Variants in NELL1 observed in about 807,000 individuals in gnomAD.
NELL1 encodes neural EGFL like 1.
A neutral mutation model predicts 107.4 loss-of-function variants in NELL1; 76 were observed. That is an observed-to-expected ratio of 0.71 (90% CI 0.59 to 0.86). The LOEUF is 0.86. Among genes scored for constraint, NELL1 ranks in the 40% least tolerant of loss-of-function variants. The probability of loss-of-function intolerance (pLI) is 0.00; values close to 1 mark genes in which losing one functional copy is unlikely to be tolerated. For synonymous variants in NELL1, 353 were observed against 341.2 expected (o/e 1.03, Z -0.38); for missense variants, 1,024 against 1,005.5 (o/e 1.02, Z -0.25).
intron 4 of NELL1, among the ~76,000 whole-genome samples, chr11:20,855,273 G>A (rs555675302): frequency 6.6e-6 from 1 of 152,130 alleles, no homozygotes; most frequent in East Asian, 1.9e-4. Flanking sequence ...AATTGAAATG[G>A]AAGATGAGAG....
chr11:20,976,249 T>C (rs985146386), intron 12 of NELL1, among the ~76,000 whole-genome samples: 2 of 151,730 alleles, frequency 1.3e-5, no homozygotes, highest in African/African-American at 2.4e-5. Flanking sequence ...ATGTTCAGGT[T>C]GATTTTTTAC....
At chr11:21,544,149 G>A (rs954477848) in intron 16 of NELL1, among the ~76,000 whole-genome samples, 1 of 151,970 alleles carries the variant, frequency 6.6e-6, no homozygotes, top group African/African-American at 2.4e-5. Context: ...TTCTAGTTCA[G>A]GTGAAGTTCA....
At chr11:21,516,740 T>C (rs796192034) in intron 15 of NELL1, among the ~76,000 whole-genome samples, 30 of 141,988 alleles carry the variant, frequency 2.1e-4, no homozygotes, top group South Asian at 1.1e-3. Flanking sequence ...CACACACACA[T>C]ACACACACAC....
chr11:20,681,597 C>T (rs74810053), intron 2 of NELL1, among the ~76,000 whole-genome samples: 6,915 of 152,164 alleles, frequency 0.045, 249 homozygotes, highest in Non-Finnish European at 0.064. Context: ...TTTGTTACAG[C>T]AGCACCCCAC....
At chr11:21,518,042 C>T (rs761004904) in intron 15 of NELL1, among the ~76,000 whole-genome samples, 7 of 151,186 alleles carry the variant, frequency 4.6e-5, no homozygotes, top group Admixed American at 1.3e-4. Flanking sequence ...GCAGACAAAA[C>T]GGCATAAATG....
At chr11:20,803,812 C>A (rs550775472) in intron 3 of NELL1, among the ~76,000 whole-genome samples, 7 of 152,204 alleles carry the variant, frequency 4.6e-5, no homozygotes, top group African/African-American at 1.7e-4. Flanking sequence ...GGCAGACCCA[C>A]CCTTAATCTG....
intron 12 of NELL1, among the ~76,000 whole-genome samples, chr11:21,028,951 A>T (rs548449180): frequency 6.6e-6 from 1 of 152,308 alleles, no homozygotes; most frequent in South Asian, 2.1e-4. Flanking sequence ...TTTAGTAGAA[A>T]CAGATTCCCT....
At chr11:21,202,804 C>T (rs1415971302) in intron 13 of NELL1, among the ~76,000 whole-genome samples, 3 of 152,168 alleles carry the variant, frequency 2.0e-5, no homozygotes, top group South Asian at 2.1e-4. Flanking sequence ...AGCTGTGTCC[C>T]AGAGATTCTG....
chr11:20,914,751 A>G (rs1850208861), intron 5 of NELL1, among the ~76,000 whole-genome samples: 1 of 151,988 alleles, frequency 6.6e-6, no homozygotes, highest in African/African-American at 2.4e-5. Flanking sequence ...ATAGCCTAGG[A>G]TTAAGGTATC....
chr11:21,493,796 A>G (rs76864097), intron 15 of NELL1, among the ~76,000 whole-genome samples: 2 of 152,098 alleles, frequency 1.3e-5, no homozygotes, highest in Admixed American at 6.6e-5. Context: ...TGTAGGTGAT[A>G]GATACCACAA....
intron 14 of NELL1, among the ~76,000 whole-genome samples, chr11:21,289,313 G>A (rs1375304757): frequency 6.6e-6 from 1 of 152,166 alleles, no homozygotes; most frequent in Admixed American, 6.5e-5. Context: ...TAAAATACCT[G>A]GCTCATCTCA....
intron 13 of NELL1, among the ~76,000 whole-genome samples, chr11:21,196,012 T>G (rs141556026): frequency 7.2e-5 from 11 of 152,334 alleles, no homozygotes; most frequent in African/African-American, 2.6e-4. Flanking sequence ...TTGACATTTC[T>G]TTAGGGTTAT....
At chr11:21,544,278 C>G (rs1856373845) in intron 16 of NELL1, among the ~76,000 whole-genome samples, 1 of 151,944 alleles carries the variant, frequency 6.6e-6, no homozygotes, top group African/African-American at 2.4e-5. Flanking sequence ...TAGCACTAAG[C>G]TAGGTGGTAG....
chr11:20,898,491 A>G (rs747378909), intron 5 of NELL1, among the ~76,000 whole-genome samples: 27 of 152,088 alleles, frequency 1.8e-4, no homozygotes, highest in Non-Finnish European at 3.4e-4. Flanking sequence ...TACTGGGTAC[A>G]GCACACCAAC....
At chr11:21,549,873 C>T (rs1342791519) in intron 16 of NELL1, among the ~76,000 whole-genome samples, 2 of 151,724 alleles carry the variant, frequency 1.3e-5, no homozygotes, top group African/African-American at 4.8e-5. Flanking sequence ...AAATGAACTT[C>T]AATTTGTGCA....
At chr11:21,537,817 T>C (rs1181251689) in intron 16 of NELL1, among the ~76,000 whole-genome samples, 3 of 152,144 alleles carry the variant, frequency 2.0e-5, no homozygotes, top group Non-Finnish European at 1.5e-5. Flanking sequence ...TAACTAGTTG[T>C]GTGGTGTAGA....
chr11:21,184,475 G>T (rs1158179623), intron 13 of NELL1, among the ~76,000 whole-genome samples: 4 of 151,608 alleles, frequency 2.6e-5, no homozygotes, highest in African/African-American at 9.8e-5. Context: ...TCGCAATGTT[G>T]GCCAGGCTGG....
intron 4 of NELL1, among the ~76,000 whole-genome samples, chr11:20,866,193 G>A (rs1849092697): frequency 6.6e-6 from 1 of 152,238 alleles, no homozygotes; most frequent in South Asian, 2.1e-4. Context: ...AGAAGGCTTT[G>A]AGGCTAGAGC....
chr11:20,998,224 C>T (rs981057027), intron 12 of NELL1, among the ~76,000 whole-genome samples: 10 of 151,780 alleles, frequency 6.6e-5, no homozygotes, highest in African/African-American at 2.2e-4. Flanking sequence ...TACTTATAGC[C>T]CTGTTTTCAA....
Sources: gnomAD v4.1 joint callset for allele counts (sites outside exome capture counted in the v4.1 genomes callset) on GRCh38, gnomAD v4.1.1 for gene constraint, MANE v1.5 for transcripts, NCBI Gene and HGNC (gene_info 2026-07-23, HGNC 2026-07-21) for gene names.